Variants in TMEM154 observed in about 807,000 individuals in gnomAD.
TMEM154 encodes transmembrane protein 154.
A neutral mutation model predicts 24.5 loss-of-function variants in TMEM154; 27 were observed. That is an observed-to-expected ratio of 1.10 (90% CI 0.81 to 1.52). The LOEUF (loss-of-function observed/expected upper bound fraction) is 1.52, where lower values mean the gene tolerates loss of function less well. Among genes scored for constraint, TMEM154 ranks in the 40% most tolerant of loss-of-function variants. The pLI is 0.00. For synonymous variants in TMEM154, 67 were observed against 76.8 expected (o/e 0.87, Z 0.67); for missense variants, 228 against 213.4 (o/e 1.07, Z -0.43).
At chr4:152,644,569 C>T (rs1579516625) in intron 3 of TMEM154, 127 bp from the exon 4 acceptor site, 11 of 887,794 alleles carry the variant, frequency 1.2e-5, no homozygotes, top group East Asian at 7.8e-5. Context: ...TTTAAAGGAG[C>T]GATCATTAAC....
chr4:152,635,376 A>G (rs1752128901), intron 6 of TMEM154, among the ~76,000 whole-genome samples: 1 of 152,270 alleles, frequency 6.6e-6, no homozygotes, highest in African/African-American at 2.4e-5. Flanking sequence ...ACTTTTCTCT[A>G]GATTGAGCTT....
intron 1 of TMEM154, among the ~76,000 whole-genome samples, chr4:152,659,062 G>A (rs78966659): frequency 0.027 from 4,035 of 152,172 alleles, 175 homozygotes; most frequent in African/African-American, 0.093. Flanking sequence ...AATTGCACTC[G>A]CGTGTTCATT....
intron 1 of TMEM154, among the ~76,000 whole-genome samples, chr4:152,655,608 G>GC (rs1341564456): frequency 1.3e-5 from 2 of 152,098 alleles, no homozygotes; most frequent in African/African-American, 4.8e-5. Context: ...CAAGGTAGGA[G>GC]CCGCTGGCAG....
chr4:152,654,586 G>A (rs1728453593), intron 1 of TMEM154, among the ~76,000 whole-genome samples: 1 of 152,172 alleles, frequency 6.6e-6, no homozygotes. Flanking sequence ...CCTTTGAGAG[G>A]TCATTAGGTT....
At chr4:152,646,763 T>G in intron 3 of TMEM154, 2 of 579,774 alleles carry the variant, frequency 3.4e-6, no homozygotes, top group African/African-American at 1.9e-5. Flanking sequence ...GGTTGTCTGG[T>G]GGAGGCTAGG....
At chr4:152,651,260 G>A (rs1728377234) in intron 3 of TMEM154, among the ~76,000 whole-genome samples, 2 of 150,716 alleles carry the variant, frequency 1.3e-5, no homozygotes, top group African/African-American at 4.9e-5. Flanking sequence ...GACCTCAAAT[G>A]ATCTGCCTCA....
At chr4:152,652,509 C>G in intron 3 of TMEM154, 29 bp downstream of exon 3, 1 of 1,612,734 alleles carries the variant, frequency 6.2e-7, no homozygotes, top group Non-Finnish European at 8.5e-7. Context: ...CCACCCCCAC[C>G]TGTAGGCAGG....
chr4:152,652,682 T>C lies in TMEM154; in HGVS notation c.310A>G (p.Lys104Glu). ...VVFLATYYKR[K>E]RTKQEPSSQG... ...AAATATTTACCTTGTTTAGTTCTTTTTCTTTTATAGTATGTTGCAAGGAAT... is the reference window on the plus strand; with the variant it reads ...AAATATTTACCTTGTTTAGTTCTTTCTCTTTTATAGTATGTTGCAAGGAAT... The change falls in exon 2 of 7, where the codon AAA becomes GAA. Residue 104 changes from lysine (K) to glutamate (E), a missense_variant. Lys to Glu is a moderately conservative substitution (Grantham distance 56). Transcript: ENST00000304385. 4 of 1,613,428 alleles carry C rather than the reference T, an allele frequency of 2.5e-6. No individual in the cohort carries two copies. The Admixed American group carries it at 5.0e-5, about 20-fold the overall frequency.
intron 6 of TMEM154, 52 bp downstream of exon 6, chr4:152,640,876 T>TGCCC: frequency 6.3e-6 from 7 of 1,113,602 alleles, no homozygotes; most frequent in African/African-American, 1.6e-5. Context: ...TGGTTCCCAA[T>TGCCC]CCCCCCGCCC....
chr4:152,634,635 T>C (rs1752112789), intron 6 of TMEM154, among the ~76,000 whole-genome samples: 1 of 152,176 alleles, frequency 6.6e-6, no homozygotes, highest in Non-Finnish European at 1.5e-5. Context: ...AGTAAGTACA[T>C]CTTCTCTCAT....
chr4:152,643,992 GT>G (rs1258461345), intron 4 of TMEM154, among the ~76,000 whole-genome samples: 2 of 151,508 alleles, frequency 1.3e-5, no homozygotes, highest in Admixed American at 1.3e-4. Context: ...ATCCCTGGGG[GT>G]TCTTGCTGTG....
chr4:152,628,356 T>C lies in TMEM154; in HGVS notation c.*190A>G, dbSNP rs1751954322. On this transcript the variant is annotated 3_prime_UTR_variant, in exon 7 of 7. Coordinates refer to ENST00000304385, the MANE Select transcript of TMEM154 (RefSeq NM_152680.3). ...CAGGCCTTTTCCTAGTACTTCTCAA[T>C]TGCACATTCTTCCAAGTGCAAGTGA... 7 of 980,656 alleles carry C rather than the reference T, an allele frequency of 7.1e-6. No homozygotes were observed. The highest frequency in any genetic ancestry group is 1.1e-5 in the Non-Finnish European group (7 of 639,552). The allele number at this position is 980,656 out of a possible 1,614,324, so 60.7% of individuals were successfully genotyped here.
At chr4:152,676,308 C>A (rs1728951786) in intron 1 of TMEM154, among the ~76,000 whole-genome samples, 1 of 152,164 alleles carries the variant, frequency 6.6e-6, no homozygotes, top group East Asian at 1.9e-4. Context: ...CTGTGCTGCA[C>A]CTACAGCTGG....
At chr4:152,648,019 C>A (rs2149782849) in intron 3 of TMEM154, among the ~76,000 whole-genome samples, 1 of 151,798 alleles carries the variant, frequency 6.6e-6, no homozygotes, top group African/African-American at 2.4e-5. Flanking sequence ...GACCACATCA[C>A]CCAGAAAGAA....
chr4:152,644,561 T>C (rs762724291), intron 3 of TMEM154, 119 bp from the exon 4 acceptor site: 16 of 960,666 alleles, frequency 1.7e-5, no homozygotes, highest in Non-Finnish European at 2.6e-5. Flanking sequence ...GTAACATTTT[T>C]AAAGGAGCGA....
intron 1 of TMEM154, among the ~76,000 whole-genome samples, chr4:152,655,415 G>A (rs1175184850): frequency 6.6e-6 from 1 of 152,222 alleles, no homozygotes; most frequent in Non-Finnish European, 1.5e-5. Flanking sequence ...CATTGCTCCA[G>A]AGAGGGACCT....
chr4:152,632,141 T>C (rs1436261573), intron 6 of TMEM154, among the ~76,000 whole-genome samples: 2 of 152,160 alleles, frequency 1.3e-5, no homozygotes, highest in African/African-American at 2.4e-5. Flanking sequence ...TTCTGACTTG[T>C]GTGTCATGCT....
intron 1 of TMEM154, among the ~76,000 whole-genome samples, chr4:152,663,340 G>A (rs1031658674): frequency 6.6e-6 from 1 of 152,162 alleles, no homozygotes; most frequent in Non-Finnish European, 1.5e-5. Flanking sequence ...TGGGGCTAGA[G>A]GTAAAACTAG....
rs1424653714 is a variant in TMEM154, at chr4:152,621,207, G to C, written c.*7339C>G. 6.6e-6 allele frequency: 1 copy of C among 152,248 alleles called. No homozygotes were observed. The highest frequency in any genetic ancestry group is 2.4e-5 in the African/African-American group (1 of 41,456). The allele number at this position is 152,248 out of a possible 1,614,324, so 9.4% of individuals were successfully genotyped here. A position where few individuals can be genotyped will look rare whatever the true frequency, so the allele number is the denominator to read the frequency against. On this transcript the variant is annotated 3_prime_UTR_variant, in exon 7 of 7. Transcript: ENST00000304385. Reference sequence around the variant, plus strand: ...ACTTGGGAGGCTCACCCTTGTGCTGGTTCCCTCTCTTTCCTTCTTGTGAAT... The same window carrying C: ...ACTTGGGAGGCTCACCCTTGTGCTGCTTCCCTCTCTTTCCTTCTTGTGAAT...
Sources: allele counts gnomAD v4.1 joint callset (sites outside exome capture counted in the v4.1 genomes callset), GRCh38; gene constraint gnomAD v4.1.1; transcripts MANE v1.5; gene names NCBI Gene and HGNC (gene_info 2026-07-23, HGNC 2026-07-21).